The following NCSTN variants were observed in gnomAD, a reference collection of about 807,000 sequenced individuals.
NCSTN encodes the protein anterior pharynx-defective 2.
Under a neutral mutation model 87.0 loss-of-function variants are expected in NCSTN, and 22 were observed. The ratio of observed to expected loss-of-function variants is 0.25; its 90% CI spans 0.18 to 0.36. NCSTN has a LOEUF of 0.36. Among genes scored for constraint, NCSTN ranks in the 10% least tolerant of loss-of-function variants. The probability of loss-of-function intolerance (pLI) is 1.00; values close to 1 mark genes in which losing one functional copy is unlikely to be tolerated. For synonymous variants in NCSTN, 306 were observed against 327.1 expected, an observed-to-expected ratio of 0.94 and a Z score of 0.69; for missense variants, 693 against 883.3, an observed-to-expected ratio of 0.78 and a Z score of 2.73.
Position 160,353,473 on chromosome 1 carries a change from A to T in NCSTN, c.1179+236A>T, listed in dbSNP as rs1009794691. Reference sequence around the variant, plus strand: ...GTAGTTCTCTGATCATTTGTTGCCTAGCAGACTACCACTGCCCATTAAGGA... The same window carrying T: ...GTAGTTCTCTGATCATTTGTTGCCTTGCAGACTACCACTGCCCATTAAGGA... On this transcript the variant is annotated intron_variant, in intron 10 of 16. Coordinates refer to ENST00000294785, the MANE Select transcript of NCSTN (RefSeq NM_015331.3). The T allele has an allele frequency of 4.2e-6, 6 of 1,413,588 alleles. No individual in the cohort carries two copies. The Admixed American group carries it at 1.1e-4, about 25-fold the overall frequency. The allele number at this position is 1,413,588 out of a possible 1,614,324, so 87.6% of individuals were successfully genotyped here.
At chr1:160,358,122 C>A (rs1278105120) in intron 16 of NCSTN, 27 bp from the exon 17 acceptor site, 1 of 1,614,148 alleles carries the variant, frequency 6.2e-7, no homozygotes, top group South Asian at 1.1e-5. Flanking sequence ...ATGCCTTTGT[C>A]CTTTCCTGCC....
Position 160,354,112 on chromosome 1 carries a change from C to G in NCSTN, c.1180-6C>G, listed in dbSNP as rs751255822. 1 of 1,613,944 alleles carries G rather than the reference C, an allele frequency of 6.2e-7. No individual in the cohort carries two copies. The highest frequency in any genetic ancestry group is 1.1e-5 in the South Asian group (1 of 91,068). On this transcript the variant is annotated splice_region_variant and splice_polypyrimidine_tract_variant and intron_variant, in intron 10 of 16. Coordinates refer to ENST00000294785, the MANE Select transcript of NCSTN (RefSeq NM_015331.3). ...CCCATCAGTTAATCTCCCTCGTACCCCCCAGGTGGAGGATCTCCTGGCCAC... is the reference window on the plus strand; with the variant it reads ...CCCATCAGTTAATCTCCCTCGTACCGCCCAGGTGGAGGATCTCCTGGCCAC...
rs199960471 is a variant in NCSTN, at chr1:160,355,648, C to T, written c.1353-7C>T. The T allele has an allele frequency of 5.0e-6, 8 of 1,609,756 alleles. No homozygotes were observed. In the Admixed American group the frequency reaches 6.7e-5, roughly 13 times the overall value. Reference sequence around the variant, plus strand: ...GTAGCCAAGGCTCATGCCGGCTTTCCTGGCAGATATTACCAGAGTATTTAC... The same window carrying T: ...GTAGCCAAGGCTCATGCCGGCTTTCTTGGCAGATATTACCAGAGTATTTAC... On this transcript the variant is annotated splice_polypyrimidine_tract_variant and splice_region_variant and intron_variant, in intron 11 of 16. Coordinates refer to ENST00000294785, the MANE Select transcript of NCSTN (RefSeq NM_015331.3).
At chr1:160,354,008 G>T in intron 10 of NCSTN, 110 bp from the exon 11 acceptor site, 1 of 1,175,232 alleles carries the variant, frequency 8.5e-7, no homozygotes, top group Non-Finnish European at 1.2e-6. Context: ...TAGAGATAGG[G>T]TAGCTCCCCA....
intron 3 of NCSTN, 42 bp from the exon 4 acceptor site, chr1:160,349,507 T>TA (rs1271751349): frequency 6.2e-7 from 1 of 1,613,904 alleles, no homozygotes; most frequent in South Asian, 1.1e-5. Context: ...GGCTGTCTGA[T>TA]ACCTTCCTGT....
chr1:160,355,820 A>T lies in NCSTN; in HGVS notation c.1456-43A>T, dbSNP rs1649096302. 5 of 1,602,706 alleles carry T rather than the reference A, an allele frequency of 3.1e-6. No homozygotes were observed. In the African/African-American group the frequency reaches 5.4e-5, roughly 17 times the overall value. ...ACAGTGAAGATGCTAGCATTTGAGGATAGGAGAGGTGGGCCATTCAGCCCC... is the reference window on the plus strand; with the variant it reads ...ACAGTGAAGATGCTAGCATTTGAGGTTAGGAGAGGTGGGCCATTCAGCCCC... On this transcript the variant is annotated intron_variant, in intron 12 of 16. Transcript: ENST00000294785.
intron 1 of NCSTN, chr1:160,343,770 C>A: frequency 1.5e-6 from 1 of 655,240 alleles, no homozygotes. Flanking sequence ...TTCCCACAAC[C>A]CCAGCCACCC....
At chr1:160,353,793 C>T (rs1392640347) in intron 10 of NCSTN, 1 of 875,932 alleles carries the variant, frequency 1.1e-6, no homozygotes, top group Non-Finnish European at 1.4e-6. Flanking sequence ...TTATTATTTG[C>T]TCCCTTCAAT....
chr1:160,351,044 T>G (rs1333925906), intron 5 of NCSTN, among the ~76,000 whole-genome samples, 178 bp from the exon 6 acceptor site: 1 of 152,212 alleles, frequency 6.6e-6, no homozygotes, highest in Admixed American at 6.5e-5. Flanking sequence ...GATGAGTTTT[T>G]TTCTTTGACC....
chr1:160,358,517 G>A lies in NCSTN; in HGVS notation c.*246G>A, dbSNP rs1649247187. ...CCTTCTCTACTCATGCCAGATTTTG[G>A]GATTACAAATAGAAGCTTCTTGCTC... On this transcript the variant is annotated 3_prime_UTR_variant, in exon 17 of 17. Coordinates refer to ENST00000294785, the MANE Select transcript of NCSTN (RefSeq NM_015331.3). 1 of 552,248 alleles carries A rather than the reference G, an allele frequency of 1.8e-6. No homozygotes were observed. Among genetic ancestry groups the A allele is most frequent in the African/African-American group, 1.9e-5 (1 of 52,754 alleles). The allele number at this position is 552,248 out of a possible 1,614,324, so 34.2% of individuals were successfully genotyped here. A position where few individuals can be genotyped will look rare whatever the true frequency, so the allele number is the denominator to read the frequency against.
chr1:160,356,213 C>A, intron 13 of NCSTN, 47 bp from the exon 14 acceptor site: 1 of 1,471,240 alleles, frequency 6.8e-7, no homozygotes, highest in Non-Finnish European at 9.5e-7. Flanking sequence ...TTTCCCTGGG[C>A]TCCCTTCAAG....
chr1:160,356,340 C>G lies in NCSTN; in HGVS notation c.1632C>G (p.Ser544=). The change falls in exon 14 of 17, where the codon TCC becomes TCG. Residue 544 remains serine, a synonymous_variant. Transcript: ENST00000294785. ...FQSILRQDLR[S]YLGDGPLQHY... ...CTATCCTCAGGCAGGACCTAAGGTC[C>G]TACTTGGGTAAGCATCTGGTGTGGG... The G allele has an allele frequency of 6.2e-7, 1 of 1,608,900 alleles. No homozygotes were observed. Among genetic ancestry groups the G allele is most frequent in the Non-Finnish European group, 8.5e-7 (1 of 1,175,170 alleles).
At chr1:160,357,963 A>G (rs1649218682) in intron 16 of NCSTN, among the ~76,000 whole-genome samples, 186 bp from the exon 17 acceptor site, 1 of 152,202 alleles carries the variant, frequency 6.6e-6, no homozygotes, top group African/African-American at 2.4e-5. Flanking sequence ...GAGATGCTTT[A>G]CTTCTCTTTT....
intron 11 of NCSTN, among the ~76,000 whole-genome samples, chr1:160,355,257 C>T (rs1557888382): frequency 6.6e-6 from 1 of 152,164 alleles, no homozygotes; most frequent in Non-Finnish European, 1.5e-5. Flanking sequence ...CTAATCACCT[C>T]CTGCTCCCAG....
intron 1 of NCSTN, chr1:160,343,709 T>G: frequency 1.4e-6 from 1 of 698,296 alleles, no homozygotes; most frequent in Non-Finnish European, 2.7e-6. Context: ...TCTAGGCCTC[T>G]TCCTGGACTT....
rs1454088147 is a variant in NCSTN at position 160,350,369 on chromosome 1, T to C, written c.582+119T>C. 4 of 1,202,948 alleles carry C rather than the reference T, an allele frequency of 3.3e-6. No homozygotes were observed. The African/African-American group carries it at 4.5e-5, about 14-fold the overall frequency. 74.5% of individuals were successfully genotyped at this position (1,202,948 alleles called of 1,614,324 possible). On this transcript the variant is annotated intron_variant, in intron 5 of 16. Coordinates refer to ENST00000294785, the MANE Select transcript of NCSTN (RefSeq NM_015331.3). ...CGGGAGGCTGAGACAGGAGGATCAC[T>C]TGAGGCCGGGAGGCAGAGGTTTCAG...
chr1:160,358,650 G>T lies in NCSTN; in HGVS notation c.*379G>T. On this transcript the variant is annotated 3_prime_UTR_variant, in exon 17 of 17. Transcript: ENST00000294785. ...CTCCTCACCCCCACCCCTGTACCCA[G>T]CCACCTTCCTGACTGGGAAGGACAT... 1 of 323,684 alleles carries T rather than the reference G, an allele frequency of 3.1e-6. No homozygotes were observed. Among genetic ancestry groups the T allele is most frequent in the East Asian group, 7.9e-5 (1 of 12,616 alleles). The allele number at this position is 323,684 out of a possible 1,614,324, so 20.1% of individuals were successfully genotyped here.
At chr1:160,356,778 G>A (rs752598584) in intron 15 of NCSTN, 24 bp downstream of exon 15, 4 of 1,613,822 alleles carry the variant, frequency 2.5e-6, no homozygotes, top group Admixed American at 1.7e-5. Flanking sequence ...GGTGTTGGAA[G>A]TGCCCTGGGG....
intron 5 of NCSTN, among the ~76,000 whole-genome samples, chr1:160,350,464 A>G (rs1439853126): frequency 6.6e-6 from 1 of 151,910 alleles, no homozygotes; most frequent in Middle Eastern, 3.2e-3. Context: ...AAAAAAAAAA[A>G]AAAAAAAAGG....
Sources: allele counts gnomAD v4.1 joint callset (sites outside exome capture counted in the v4.1 genomes callset), GRCh38; gene constraint gnomAD v4.1.1; transcripts MANE v1.5; gene names NCBI Gene and HGNC (gene_info 2026-07-23, HGNC 2026-07-21).